Variants in SMIM20 observed in about 807,000 individuals in gnomAD.
The protein encoded by SMIM20 is small integral membrane protein 20, also known as mitochondrial translation regulation assembly intermediate of cytochrome c oxidase protein of 7 kDa.
A neutral mutation model predicts 8.7 loss-of-function variants in SMIM20; 3 were observed. The observed-to-expected ratio is 0.34, with a 90% confidence interval of 0.16 to 0.89. The LOEUF (loss-of-function observed/expected upper bound fraction) is 0.89, where lower values mean the gene tolerates loss of function less well. SMIM20 is among the 40% of genes least tolerant of loss of function. The pLI is 0.49. For synonymous variants in SMIM20, 44 were observed against 33.6 expected, an observed-to-expected ratio of 1.31 and a Z score of -1.07; for missense variants, 85 against 84.8, an observed-to-expected ratio of 1.00 and a Z score of -0.01.
intron 1 of SMIM20, among the ~76,000 whole-genome samples, chr4:25,921,751 C>T (rs1436476271): frequency 2.6e-5 from 4 of 152,130 alleles, no homozygotes; most frequent in Non-Finnish European, 1.5e-5. Flanking sequence ...TTGTAAGGGG[C>T]AAGCTGGCCC....
intron 1 of SMIM20, among the ~76,000 whole-genome samples, chr4:25,922,896 A>T (rs1007111430): frequency 2.6e-5 from 4 of 152,218 alleles, no homozygotes; most frequent in Non-Finnish European, 4.4e-5. Flanking sequence ...AAAGAAGGGG[A>T]AGCCTGCTTA....
At chr4:25,927,866 CAT>C (rs757449365) in intron 1 of SMIM20, among the ~76,000 whole-genome samples, 8 of 152,240 alleles carry the variant, frequency 5.3e-5, no homozygotes, top group Non-Finnish European at 1.0e-4. Context: ...CTATCAAAAA[CAT>C]AGCATATTTA....
At chr4:25,918,005 T>C (rs1719125116) in intron 1 of SMIM20, among the ~76,000 whole-genome samples, 1 of 149,156 alleles carries the variant, frequency 6.7e-6, no homozygotes, top group Non-Finnish European at 1.5e-5. Context: ...TGCAGTGGCG[T>C]GATCTCTGCT....
chr4:25,918,263 T>G (rs1054566469), intron 1 of SMIM20, among the ~76,000 whole-genome samples: 3 of 151,908 alleles, frequency 2.0e-5, no homozygotes, highest in Non-Finnish European at 2.9e-5. Context: ...TTGTAAATAT[T>G]CCCTGTGTGC....
chr4:25,927,290 T>G (rs1711531447), intron 1 of SMIM20, among the ~76,000 whole-genome samples: 1 of 152,226 alleles, frequency 6.6e-6, no homozygotes, highest in Admixed American at 6.5e-5. Flanking sequence ...TTGATAAAAC[T>G]ATCAGGTCGG....
At position 25,929,241 on chromosome 4, in the gene SMIM20, G is replaced by A. The variant is rs377540815; in HGVS notation, c.*50G>A. The stretch of plus-strand genomic sequence containing the variant: ...AGAAAGGAGATTTCTTCATGCTTTC[G>A]ATTCTGCATGGGGTACAGCCAGTCA... On this transcript the variant is annotated 3_prime_UTR_variant, in exon 3 of 3. Coordinates refer to ENST00000506197, the MANE Select transcript of SMIM20 (RefSeq NM_001145432.3). The A allele has an allele frequency of 4.7e-5, 73 of 1,540,560 alleles. No homozygotes were observed. In the African/African-American group the frequency reaches 8.4e-4, roughly 18 times the overall value.
Position 25,914,325 on chromosome 4 carries a change from C to G in SMIM20, c.12C>G (p.Asn4Lys), listed in dbSNP as rs778861056. 1.2e-5 allele frequency: 19 copies of G among 1,550,384 alleles called. No individual in the cohort carries two copies. The highest frequency in any genetic ancestry group is 1.7e-5 in the Non-Finnish European group (19 of 1,146,212). Residue 4 changes from asparagine (N) to lysine (K), a missense_variant, in exon 1 of 3, where the codon AAC (asparagine) becomes AAG (lysine). By Grantham distance (94) the Asn-to-Lys change is moderately conservative. Coordinates refer to ENST00000506197, the MANE Select transcript of SMIM20 (RefSeq NM_001145432.3). MSR[N>K]LRTALIFGGF... ...CGGGGCCTGACGCCATGTCCCGGAA[C>G]CTGCGCACCGCGCTCATTTTCGGCG...
intron 1 of SMIM20, among the ~76,000 whole-genome samples, chr4:25,923,846 A>T (rs1031269632): frequency 2.0e-5 from 3 of 152,238 alleles, no homozygotes; most frequent in Admixed American, 2.0e-4. Flanking sequence ...ATGCGCAGGC[A>T]GACTGGGTCT....
chr4:25,915,989 C>T (rs1719085445), intron 1 of SMIM20, among the ~76,000 whole-genome samples: 1 of 151,960 alleles, frequency 6.6e-6, no homozygotes, highest in Admixed American at 6.6e-5. Flanking sequence ...CGAGTGGTGC[C>T]TTGGTTGAGA....
intron 1 of SMIM20, among the ~76,000 whole-genome samples, chr4:25,922,269 G>A (rs1416608519): frequency 6.6e-6 from 1 of 152,168 alleles, no homozygotes; most frequent in African/African-American, 2.4e-5. Context: ...GGAGAGAGAA[G>A]ACAGTCCGTA....
At chr4:25,919,266 C>G (rs1719154867) in intron 1 of SMIM20, among the ~76,000 whole-genome samples, 1 of 152,116 alleles carries the variant, frequency 6.6e-6, no homozygotes, top group Non-Finnish European at 1.5e-5. Flanking sequence ...GCTCTTTTAA[C>G]TATTGGATTG....
At chr4:25,919,817 C>G (rs776819311) in intron 1 of SMIM20, among the ~76,000 whole-genome samples, 1 of 152,176 alleles carries the variant, frequency 6.6e-6, no homozygotes, top group Non-Finnish European at 1.5e-5. Flanking sequence ...CCTTATAATG[C>G]CTTAACCTTT....
rs1375745194 is a variant in SMIM20, at chr4:25,929,293, A to G, written c.*102A>G. The G allele has an allele frequency of 5.6e-6, 7 of 1,242,558 alleles. No homozygotes were observed. The East Asian group carries it at 1.8e-4, about 32-fold the overall frequency. The allele number at this position is 1,242,558 out of a possible 1,614,324, so 77.0% of individuals were successfully genotyped here. The stretch of plus-strand genomic sequence containing the variant: ...CTCACCAGAGAATGACGGCTGGAGA[A>G]GAAAACTCTGTAATACCATAAATAA... On this transcript the variant is annotated 3_prime_UTR_variant, in exon 3 of 3. Coordinates refer to ENST00000506197, the MANE Select transcript of SMIM20 (RefSeq NM_001145432.3).
chr4:25,928,987 C>T (rs937670127), intron 2 of SMIM20, among the ~76,000 whole-genome samples, 167 bp from the exon 3 acceptor site: 1 of 152,228 alleles, frequency 6.6e-6, no homozygotes, highest in Non-Finnish European at 1.5e-5. Flanking sequence ...GCAGCCATGG[C>T]TTCCTGGCCA....
At chr4:25,927,049 C>A (rs1035797497) in intron 1 of SMIM20, among the ~76,000 whole-genome samples, 1 of 152,188 alleles carries the variant, frequency 6.6e-6, no homozygotes, top group Non-Finnish European at 1.5e-5. Context: ...ACTTTAGAGG[C>A]TCCATAATAT....
At chr4:25,914,955 G>A (rs2109361188) in intron 1 of SMIM20, among the ~76,000 whole-genome samples, 1 of 152,196 alleles carries the variant, frequency 6.6e-6, no homozygotes, top group Non-Finnish European at 1.5e-5. Context: ...CCTCCTCCAA[G>A]CACCCAGGCT....
intron 1 of SMIM20, among the ~76,000 whole-genome samples, chr4:25,916,882 G>A (rs1370494977): frequency 6.6e-6 from 1 of 152,172 alleles, no homozygotes; most frequent in Non-Finnish European, 1.5e-5. Context: ...CACAGCTTTC[G>A]CCTTCAGTGC....
chr4:25,926,494 T>C (rs550507205), intron 1 of SMIM20, among the ~76,000 whole-genome samples: 4 of 152,384 alleles, frequency 2.6e-5, no homozygotes, highest in Non-Finnish European at 5.9e-5. Flanking sequence ...AAAGAGATTA[T>C]GGTCTATTTA....
At position 25,928,347 on chromosome 4, in the gene SMIM20, T is replaced by C. The variant is rs1711564691; in HGVS notation, c.144T>C (p.Val48=). Reference sequence around the variant, plus strand: ...AAGCTATAAATCGGGCTGGAATTGTTCAAGAGGATGTGCAGCCACCAGGTA... The same window carrying C: ...AAGCTATAAATCGGGCTGGAATTGTCCAAGAGGATGTGCAGCCACCAGGTA... ...KEQAINRAGI[V]QEDVQPPGLK... Residue 48 remains valine (V), a synonymous_variant, in exon 2 of 3, where the codon GTT becomes GTC. Transcript: ENST00000506197. The C allele has an allele frequency of 2.6e-6, 4 of 1,550,544 alleles. No homozygotes were observed. Among genetic ancestry groups the C allele is most frequent in the Non-Finnish European group, 2.6e-6 (3 of 1,146,554 alleles).
Sources: allele counts gnomAD v4.1 joint callset (sites outside exome capture counted in the v4.1 genomes callset), GRCh38; gene constraint gnomAD v4.1.1; transcripts MANE v1.5; gene names NCBI Gene and HGNC (gene_info 2026-07-23, HGNC 2026-07-21).